Variants in SHOC1 observed in about 807,000 individuals in gnomAD.
SHOC1 encodes protein shortage in chiasmata 1 ortholog.
In SHOC1, 136 loss-of-function variants were observed where a neutral mutation model predicts 179.2. The ratio of observed to expected loss-of-function variants is 0.76; its 90% CI spans 0.66 to 0.87. SHOC1 has a LOEUF of 0.87. SHOC1 is among the 40% of genes least tolerant of loss of function. SHOC1 has a pLI of 0.00. For missense variants in SHOC1, 1,538 were observed against 1,700.8 expected, an observed-to-expected ratio of 0.90 and a Z score of 1.68; for synonymous variants, 489 against 586.6, an observed-to-expected ratio of 0.83 and a Z score of 2.41.
At chr9:111,707,978 G>T in intron 18 of SHOC1, 54 bp from the exon 19 acceptor site, 7 of 1,031,694 alleles carry the variant, frequency 6.8e-6, no homozygotes, top group South Asian at 3.6e-5. Context: ...ACATATTTTT[G>T]GTATGTCATA....
At chr9:111,695,885 G>A (rs965563115) in intron 24 of SHOC1, among the ~76,000 whole-genome samples, 2 of 152,124 alleles carry the variant, frequency 1.3e-5, no homozygotes, top group African/African-American at 4.8e-5. Context: ...ATGCTACAGC[G>A]ATGCAAAAAC....
chr9:111,753,040 C>G (rs1444835199), intron 8 of SHOC1, among the ~76,000 whole-genome samples: 3 of 152,106 alleles, frequency 2.0e-5, no homozygotes, highest in African/African-American at 7.2e-5. Context: ...TAGTGAGACC[C>G]TGTCTCAACA....
At chr9:111,698,230 C>T (rs1831798029) in intron 24 of SHOC1, among the ~76,000 whole-genome samples, 1 of 152,144 alleles carries the variant, frequency 6.6e-6, no homozygotes, top group Non-Finnish European at 1.5e-5. Context: ...GCTTTTGTTG[C>T]CATTGCTTTT....
chr9:111,766,094 ACT>A (rs766981407), intron 5 of SHOC1, among the ~76,000 whole-genome samples: 4 of 151,582 alleles, frequency 2.6e-5, no homozygotes, highest in Non-Finnish European at 4.4e-5. Context: ...TCACCATTCT[ACT>A]CTCTAACTTC....
intron 12 of SHOC1, 55 bp downstream of exon 12, chr9:111,738,225 C>T (rs949750169): frequency 6.7e-7 from 1 of 1,482,874 alleles, no homozygotes; most frequent in Non-Finnish European, 9.2e-7. Context: ...CAGAATCTAA[C>T]ATTTTCACAT....
rs757143328 is a variant in SHOC1 at position 111,781,026 on chromosome 9, G to GATA, written c.170-12_170-10dup. On this transcript the variant is annotated splice_polypyrimidine_tract_variant and intron_variant, in intron 3 of 27. Coordinates refer to ENST00000682961, the MANE Select transcript of SHOC1 (RefSeq NM_001378211.1). ...AACTGAAACAGCTGAGACTAGAAAGGATAATAGTTAACATTAATGTCTAGA... is the reference window on the plus strand; with the variant it reads ...AACTGAAACAGCTGAGACTAGAAAGGATAATAATAGTTAACATTAATGTCTAGA... 2 of 1,598,798 alleles carry GATA rather than the reference G, an allele frequency of 1.3e-6. No homozygotes were observed. The highest frequency in any genetic ancestry group is 8.6e-7 in the Non-Finnish European group (1 of 1,168,048).
chr9:111,705,599 T>C (rs566302709), intron 20 of SHOC1, among the ~76,000 whole-genome samples: 1 of 152,054 alleles, frequency 6.6e-6, no homozygotes, highest in African/African-American at 2.4e-5. Flanking sequence ...AAACAGAGTT[T>C]TGCATATATT....
At chr9:111,686,982 G>C (rs1220738642) in intron 27 of SHOC1, 112 bp from the exon 28 acceptor site, 5 of 559,236 alleles carry the variant, frequency 8.9e-6, no homozygotes, top group Non-Finnish European at 1.4e-5. Flanking sequence ...TTTTGCCCTT[G>C]TCGCCCAGGC....
chr9:111,749,466 G>A (rs899603015), intron 8 of SHOC1, among the ~76,000 whole-genome samples: 6 of 151,746 alleles, frequency 4.0e-5, no homozygotes, highest in Admixed American at 1.3e-4. Context: ...TAATTCTATT[G>A]CTCAAAGTTT....
At chr9:111,750,508 T>C (rs1834527499) in intron 8 of SHOC1, among the ~76,000 whole-genome samples, 1 of 152,190 alleles carries the variant, frequency 6.6e-6, no homozygotes, top group Non-Finnish European at 1.5e-5. Context: ...CTAATTTTTG[T>C]ATTTTTAGTA....
intron 6 of SHOC1, 109 bp downstream of exon 6, chr9:111,758,586 T>G (rs1288490991): frequency 5.3e-6 from 6 of 1,135,058 alleles, no homozygotes; most frequent in Non-Finnish European, 7.4e-6. Context: ...AAGACTCATC[T>G]CAAAACAAAA....
At chr9:111,785,766 C>G in intron 3 of SHOC1, 146 bp downstream of exon 3, 1 of 558,000 alleles carries the variant, frequency 1.8e-6, no homozygotes, top group Non-Finnish European at 2.7e-6. Flanking sequence ...TAATAAAATA[C>G]TAAGTTGTTA....
rs1272408702 is a variant in SHOC1, at chr9:111,691,726, A to G, written c.4251T>C (p.Thr1417=). 1.9e-6 allele frequency: 3 copies of G among 1,613,898 alleles called. No individual in the cohort carries two copies. Among genetic ancestry groups the G allele is most frequent in the Non-Finnish European group, 2.5e-6 (3 of 1,179,946 alleles). ...GLTCESSKDE[T]FWRELPSVPS... is the part of the protein sequence containing the mutation. The stretch of plus-strand genomic sequence containing the variant: ...GGACAGATGGTAATTCTCTCCAGAA[A>G]GTCTCATCTTTTGAACTTTCACATG... The change falls in exon 27 of 28, where the codon ACT becomes ACC. Residue 1417 remains threonine, a synonymous_variant. Coordinates refer to ENST00000682961, the MANE Select transcript of SHOC1 (RefSeq NM_001378211.1).
chr9:111,775,178 A>G (rs1835782707), intron 5 of SHOC1, among the ~76,000 whole-genome samples: 1 of 152,002 alleles, frequency 6.6e-6, no homozygotes, highest in Non-Finnish European at 1.5e-5. Context: ...TATTTTGAGT[A>G]GAGATGGGGT....
intron 5 of SHOC1, among the ~76,000 whole-genome samples, chr9:111,763,957 A>G (rs1436561822): frequency 6.6e-6 from 1 of 152,216 alleles, no homozygotes; most frequent in Non-Finnish European, 1.5e-5. Context: ...ATTAACACGG[A>G]GTACAGTAAT....
At chr9:111,726,268 C>G (rs1833289093) in intron 13 of SHOC1, among the ~76,000 whole-genome samples, 1 of 152,082 alleles carries the variant, frequency 6.6e-6, no homozygotes, top group Non-Finnish European at 1.5e-5. Context: ...ATTCTGAAAT[C>G]TTTAAATATT....
At chr9:111,694,163 A>T (rs947919056) in intron 25 of SHOC1, 68 bp downstream of exon 25, 25 of 1,453,938 alleles carry the variant, frequency 1.7e-5, no homozygotes, top group Non-Finnish European at 2.3e-5. Flanking sequence ...GTTACCAGAA[A>T]GTAAATTCAA....
At chr9:111,722,698 C>T (rs571012440) in intron 14 of SHOC1, 113 bp from the exon 15 acceptor site, 2 of 794,172 alleles carry the variant, frequency 2.5e-6, no homozygotes, top group East Asian at 6.0e-5. Flanking sequence ...GAATTATTTT[C>T]TGAGTTAAAA....
intron 8 of SHOC1, 135 bp downstream of exon 8, chr9:111,756,190 G>T: frequency 1.8e-6 from 1 of 556,926 alleles, no homozygotes. Context: ...AAATAATCCT[G>T]AGATTTCAAC....
Sources: allele counts gnomAD v4.1 joint callset (sites outside exome capture counted in the v4.1 genomes callset), GRCh38; gene constraint gnomAD v4.1.1; transcripts MANE v1.5; gene names NCBI Gene and HGNC (gene_info 2026-07-23, HGNC 2026-07-21).